The following SMYD3 variants were observed in gnomAD, a reference collection of about 807,000 sequenced individuals.
SMYD3 encodes SET and MYND domain containing 3, also known as histone-lysine N-methyltransferase SMYD3.
A neutral mutation model predicts 57.7 loss-of-function variants in SMYD3; 36 were observed. That is an observed-to-expected ratio of 0.62 (90% CI 0.48 to 0.82). SMYD3 has a LOEUF of 0.82. Ranked by LOEUF, SMYD3 falls within the 40% of genes least tolerant of loss-of-function variation. The probability of loss-of-function intolerance (pLI) is 0.00; values close to 1 mark genes in which losing one functional copy is unlikely to be tolerated. For synonymous variants in SMYD3, 211 were observed against 195.0 expected, an observed-to-expected ratio of 1.08 and a Z score of -0.68; for missense variants, 515 against 538.8, an observed-to-expected ratio of 0.96 and a Z score of 0.44.
intron 5 of SMYD3, among the ~76,000 whole-genome samples, chr1:246,261,261 G>A (rs2064005730): frequency 1.3e-5 from 2 of 151,630 alleles, no homozygotes; most frequent in South Asian, 2.1e-4. Context: ...GTTTCACCGT[G>A]TTAGCCAGGA....
At chr1:246,370,417 G>A (rs893983958) in intron 1 of SMYD3, among the ~76,000 whole-genome samples, 1 of 152,188 alleles carries the variant, frequency 6.6e-6, no homozygotes, top group Non-Finnish European at 1.5e-5. Flanking sequence ...AGAATGGTAG[G>A]ACTATTTTGG....
At chr1:246,008,272 T>C (rs896723217) in intron 5 of SMYD3, among the ~76,000 whole-genome samples, 11 of 151,918 alleles carry the variant, frequency 7.2e-5, no homozygotes, top group African/African-American at 2.4e-4. Context: ...ACTGTGTCCT[T>C]ATCCACAGAC....
At chr1:246,404,920 T>G (rs1258675717) in intron 1 of SMYD3, among the ~76,000 whole-genome samples, 1 of 152,136 alleles carries the variant, frequency 6.6e-6, no homozygotes, top group Non-Finnish European at 1.5e-5. Context: ...CTTATTATAT[T>G]GACTCATAAT....
chr1:246,237,966 T>C (rs1162656133), intron 5 of SMYD3, among the ~76,000 whole-genome samples: 2 of 152,222 alleles, frequency 1.3e-5, no homozygotes, highest in Non-Finnish European at 2.9e-5. Flanking sequence ...TTTTTAAGTA[T>C]TGAAAATTTT....
At chr1:246,425,837 C>A (rs2067210405) in intron 1 of SMYD3, among the ~76,000 whole-genome samples, 1 of 152,168 alleles carries the variant, frequency 6.6e-6, no homozygotes, top group African/African-American at 2.4e-5. Flanking sequence ...CGTCCAAGAA[C>A]AAGGGATGCC....
At position 246,370,212 on chromosome 1, in the gene SMYD3, G is replaced by A. The variant is rs149498457; in HGVS notation, c.165-15118C>T. On this transcript the variant is annotated intron_variant, in intron 1 of 11. Transcript: ENST00000490107. ...CATGGGCATCATCGCATAACGTCCC[G>A]GGTGGATGACAGTGGAGAGGGTAAT... is the stretch of plus-strand genomic sequence containing the variant. 2.6e-3 allele frequency among the ~76,000 whole-genome samples: 391 copies of A among 152,308 alleles called. 1 individual carries two copies. Among genetic ancestry groups the A allele is most frequent in the Non-Finnish European group, 4.6e-3 (310 of 68,028 alleles).
chr1:246,164,319 C>T (rs1422114189), intron 5 of SMYD3, among the ~76,000 whole-genome samples: 1 of 152,300 alleles, frequency 6.6e-6, no homozygotes, highest in African/African-American at 2.4e-5. Context: ...ACTCAGGAGG[C>T]TGAGGCAGGA....
intron 10 of SMYD3, among the ~76,000 whole-genome samples, chr1:245,842,982 A>AT (rs1425731102): frequency 6.6e-6 from 1 of 152,192 alleles, no homozygotes; most frequent in Non-Finnish European, 1.5e-5. Context: ...AAGCACTGAG[A>AT]TTACAGGTGT....
chr1:245,958,216 T>C (rs1455847881), intron 5 of SMYD3, among the ~76,000 whole-genome samples: 2 of 152,170 alleles, frequency 1.3e-5, no homozygotes, highest in Non-Finnish European at 2.9e-5. Context: ...TTTCTGATCC[T>C]CATGTTCCAA....
At chr1:246,341,138 G>A (rs1159482306) in intron 2 of SMYD3, among the ~76,000 whole-genome samples, 2 of 152,202 alleles carry the variant, frequency 1.3e-5, no homozygotes, top group African/African-American at 2.4e-5. Flanking sequence ...AGAGCATGGA[G>A]TTTATGAATA....
rs534310953 is a variant in SMYD3 at position 245,983,998 on chromosome 1, C to CTTTT, written c.532-54065_532-54062dup. Reference sequence around the variant, plus strand: ...TTGAGTAAACTCAATCAAGTCTACTCTTTTTTTTTTTTTTTTTTTAAATGG... The same window carrying CTTTT: ...TTGAGTAAACTCAATCAAGTCTACTCTTTTTTTTTTTTTTTTTTTTTTTAAATGG... On this transcript the variant is annotated intron_variant, in intron 5 of 11. Coordinates refer to ENST00000490107, the MANE Select transcript of SMYD3 (RefSeq NM_001167740.2). Among the ~76,000 whole-genome samples, 4 of 134,466 alleles carry CTTTT rather than the reference C, an allele frequency of 3.0e-5. No individual in the cohort carries two copies. In the East Asian group the frequency reaches 8.7e-4, roughly 29 times the overall value. 88.2% of individuals were successfully genotyped at this position (134,466 alleles called of 152,430 possible).
At chr1:246,037,409 CCT>C (rs1192507422) in intron 5 of SMYD3, among the ~76,000 whole-genome samples, 1 of 152,158 alleles carries the variant, frequency 6.6e-6, no homozygotes, top group East Asian at 1.9e-4. Context: ...GAAGCTCACC[CCT>C]GAGGACAGCA....
At chr1:245,891,895 A>T (rs1381879054) in intron 8 of SMYD3, among the ~76,000 whole-genome samples, 4 of 152,158 alleles carry the variant, frequency 2.6e-5, no homozygotes, top group Non-Finnish European at 5.9e-5. Flanking sequence ...TATTTTTAAA[A>T]ATTAGCAGGG....
chr1:245,924,723 T>C (rs537946835), intron 7 of SMYD3, among the ~76,000 whole-genome samples: 1 of 146,966 alleles, frequency 6.8e-6, no homozygotes, highest in Admixed American at 7.0e-5. Flanking sequence ...AGTGCAATGG[T>C]GCGATCTTGG....
rs551245193 is a variant in SMYD3 at position 246,108,289 on chromosome 1, G to T, written c.532-178352C>A. ...TGACCTCAAGAAGTTTATAGTTCAG[G>T]GAAGTGACTGACAATCATAATACAG... On this transcript the variant is annotated intron_variant, in intron 5 of 11. Transcript: ENST00000490107. Among the ~76,000 whole-genome samples, 4 of 152,212 alleles carry T rather than the reference G, an allele frequency of 2.6e-5. No homozygotes were observed. In the East Asian group the frequency reaches 7.7e-4, roughly 29 times the overall value.
At position 246,355,280 on chromosome 1, in the gene SMYD3, GAT is replaced by G. The variant is rs1018949634; in HGVS notation, c.165-188_165-187del. The G allele has an allele frequency of 4.0e-5, 23 of 575,664 alleles. No individual in the cohort carries two copies. The highest frequency in any genetic ancestry group is 2.8e-5 in the Non-Finnish European group (9 of 326,090). The allele number at this position is 575,664 out of a possible 1,614,324, so 35.7% of individuals were successfully genotyped here. On this transcript the variant is annotated intron_variant, in intron 1 of 11. Coordinates refer to ENST00000490107, the MANE Select transcript of SMYD3 (RefSeq NM_001167740.2). This position sits in a 1 kb window ranked among gnomAD's most constrained non-coding sequence, Gnocchi z 5.0. ...TCTTGAACCTTCCATGTGAGACACT[GAT>G]AGAAAAACTAAGTCCTTTTGTCTGA...
intron 1 of SMYD3, among the ~76,000 whole-genome samples, chr1:246,450,923 A>G (rs1465657606): frequency 6.6e-6 from 1 of 152,218 alleles, no homozygotes; most frequent in Non-Finnish European, 1.5e-5. Flanking sequence ...TAAGGTGCCA[A>G]CTGTTCAGTG....
intron 1 of SMYD3, among the ~76,000 whole-genome samples, chr1:246,451,518 AG>A (rs2067631988): frequency 1.3e-5 from 2 of 152,244 alleles, no homozygotes; most frequent in African/African-American, 4.8e-5. Context: ...CAGGGGATTC[AG>A]GGGGCAGGGA....
chr1:245,784,942 C>T (rs575011606), intron 10 of SMYD3, among the ~76,000 whole-genome samples: 13 of 151,160 alleles, frequency 8.6e-5, no homozygotes, highest in East Asian at 7.8e-4. Context: ...CTCCGCCTCC[C>T]GGGTTCAAGG....
Sources: gnomAD v4.1 joint callset for allele counts (sites outside exome capture counted in the v4.1 genomes callset) on GRCh38, gnomAD v4.1.1 for gene constraint, Gnocchi (gnomAD v3.1) non-coding constraint, MANE v1.5 for transcripts, NCBI Gene and HGNC (gene_info 2026-07-23, HGNC 2026-07-21) for gene names.